Variants in MTRF1 observed in about 807,000 individuals in gnomAD.
MTRF1 encodes the protein peptide chain release factor 1, mitochondrial.
In MTRF1, 51 loss-of-function variants were observed where a neutral mutation model predicts 62.9. That is an observed-to-expected ratio of 0.81 (90% CI 0.65 to 1.02). The LOEUF is 1.02. Among genes scored for constraint, MTRF1 ranks in the 50% least tolerant of loss-of-function variants. The pLI is 0.00. For synonymous variants in MTRF1, 158 were observed against 181.9 expected (o/e 0.87, Z 1.06); for missense variants, 446 against 530.0 (o/e 0.84, Z 1.56).
chr13:41,275,205 CT>C, the MTRF1 span, among the ~76,000 whole-genome samples: 590 of 145,394 alleles, frequency 4.1e-3, no homozygotes, highest in African/African-American at 6.7e-3. Flanking sequence ...ACTCCAATAA[CT>C]TTTTTTTTTT....
At chr13:41,232,331 A>C (rs1420193250) in intron 7 of MTRF1, among the ~76,000 whole-genome samples, 5 of 97,420 alleles carry the variant, frequency 5.1e-5, no homozygotes, top group East Asian at 5.7e-4. Context: ...GAACTAAAAA[A>C]CAAAGTGACA....
intron 6 of MTRF1, among the ~76,000 whole-genome samples, chr13:41,237,438 T>C (rs1040089641): frequency 2.7e-5 from 4 of 148,558 alleles, no homozygotes; most frequent in Non-Finnish European, 5.9e-5. Flanking sequence ...TTTATCATAA[T>C]AACATAACCA....
At chr13:41,230,445 G>C (rs868345926) in intron 7 of MTRF1, among the ~76,000 whole-genome samples, 1 of 151,566 alleles carries the variant, frequency 6.6e-6, no homozygotes, top group African/African-American at 2.4e-5. Context: ...TGTATTTTTA[G>C]TAGAGCTGGG....
At chr13:41,240,884 G>A (rs2037401016) in intron 5 of MTRF1, among the ~76,000 whole-genome samples, 1 of 152,020 alleles carries the variant, frequency 6.6e-6, no homozygotes, top group Non-Finnish European at 1.5e-5. Flanking sequence ...GGCTAATAGG[G>A]TATCATATAT....
At chr13:41,259,712 A>AAAAAAAAAAAACAAAAAAAAAAAAAC (rs1555268029) in intron 2 of MTRF1, among the ~76,000 whole-genome samples, 7 of 136,712 alleles carry the variant, frequency 5.1e-5, no homozygotes, top group African/African-American at 1.7e-4. Context: ...AAAAAAAAAA[A>AAAAAAAAAAAACAAAAAAAAAAAAAC]AAAAAAAAAC....
the MTRF1 span, among the ~76,000 whole-genome samples, chr13:41,291,309 C>T: frequency 6.6e-6 from 1 of 151,986 alleles, no homozygotes; most frequent in African/African-American, 2.4e-5. Context: ...TCCCGAGTAG[C>T]TGGGACTATA....
chr13:41,224,693 G>A (rs1229836206), intron 8 of MTRF1, among the ~76,000 whole-genome samples: 1 of 152,168 alleles, frequency 6.6e-6, no homozygotes, highest in African/African-American at 2.4e-5. Context: ...GTGATCAGTG[G>A]AACCAGGATT....
intron 2 of MTRF1, 78 bp downstream of exon 2, chr13:41,260,415 A>T: frequency 1.6e-6 from 2 of 1,253,690 alleles, no homozygotes; most frequent in Non-Finnish European, 2.2e-6. Context: ...TCAAATCTGT[A>T]CTTACACACA....
At chr13:41,226,181 C>A (rs1466205142) in intron 8 of MTRF1, among the ~76,000 whole-genome samples, 1 of 152,154 alleles carries the variant, frequency 6.6e-6, no homozygotes, top group Non-Finnish European at 1.5e-5. Context: ...ATGATATAAA[C>A]ACAAGAGGGA....
chr13:41,233,370 T>C (rs1357373016), intron 7 of MTRF1, among the ~76,000 whole-genome samples: 1 of 152,200 alleles, frequency 6.6e-6, no homozygotes, highest in Non-Finnish European at 1.5e-5. Flanking sequence ...TTTAAAACCA[T>C]ATACATGAAA....
At chr13:41,271,451 G>A in the MTRF1 span, among the ~76,000 whole-genome samples, 4 of 152,092 alleles carry the variant, frequency 2.6e-5, no homozygotes, top group Non-Finnish European at 5.9e-5. Flanking sequence ...TTAAAAGGAG[G>A]AACTGAGCTG....
intron 2 of MTRF1, 25 bp from the exon 3 acceptor site, chr13:41,254,645 G>C (rs1593998889): frequency 6.4e-7 from 1 of 1,570,016 alleles, no homozygotes; most frequent in Non-Finnish European, 8.7e-7. Context: ...CAGAAATAAT[G>C]ATAAAGTTTT....
the MTRF1 span, among the ~76,000 whole-genome samples, chr13:41,298,834 A>G: frequency 6.6e-6 from 1 of 152,206 alleles, no homozygotes; most frequent in Non-Finnish European, 1.5e-5. Flanking sequence ...ACAGCGGAAG[A>G]AGGAGGAAGA....
intron 5 of MTRF1, among the ~76,000 whole-genome samples, chr13:41,241,927 G>T (rs1195952909): frequency 6.6e-6 from 1 of 152,220 alleles, no homozygotes; most frequent in Non-Finnish European, 1.5e-5. Context: ...GACAGGCTTT[G>T]ACACTGAATG....
At chr13:41,253,281 A>G (rs1021600519) in intron 3 of MTRF1, among the ~76,000 whole-genome samples, 3 of 152,224 alleles carry the variant, frequency 2.0e-5, no homozygotes, top group African/African-American at 7.2e-5. Flanking sequence ...AATTTTCTAG[A>G]ATGCAGAAGT....
chr13:41,251,467 C>T (rs1361228016), intron 5 of MTRF1, among the ~76,000 whole-genome samples: 1 of 152,124 alleles, frequency 6.6e-6, no homozygotes, highest in Non-Finnish European at 1.5e-5. Flanking sequence ...GATTACTTCC[C>T]TGACAAGCTA....
chr13:41,228,780 A>T (rs1199162956), intron 7 of MTRF1, among the ~76,000 whole-genome samples: 2 of 152,248 alleles, frequency 1.3e-5, no homozygotes, highest in African/African-American at 2.4e-5. Flanking sequence ...TGGAAAATGA[A>T]ATTATCTAGA....
intron 9 of MTRF1, among the ~76,000 whole-genome samples, chr13:41,218,429 A>C (rs2032427347): frequency 6.6e-6 from 1 of 151,748 alleles, no homozygotes; most frequent in African/African-American, 2.4e-5. Flanking sequence ...CAGCTGACCC[A>C]ATCTTTAAAC....
chr13:41,253,499 G>C (rs544468489), intron 3 of MTRF1, among the ~76,000 whole-genome samples: 1 of 152,328 alleles, frequency 6.6e-6, no homozygotes, highest in South Asian at 2.1e-4. Context: ...TCTAATTAAA[G>C]ACTATGTTGA....
Sources: gnomAD v4.1 joint callset for allele counts (sites outside exome capture counted in the v4.1 genomes callset) on GRCh38, gnomAD v4.1.1 for gene constraint, MANE v1.5 for transcripts, NCBI Gene and HGNC (gene_info 2026-07-23, HGNC 2026-07-21) for gene names.